GRID1: variants seen among roughly 807,000 people sequenced by gnomAD.
GRID1 encodes glutamate ionotropic receptor delta type subunit 1.
GRID1 carries 28 observed loss-of-function variants against 98.0 expected under a neutral mutation model. That is an observed-to-expected ratio of 0.29 (90% confidence interval 0.21 to 0.39). The LOEUF (loss-of-function observed/expected upper bound fraction) is 0.39. Among genes scored for constraint, GRID1 ranks in the 10% least tolerant of loss-of-function variants. The pLI, the probability that GRID1 is intolerant of heterozygous loss-of-function variation, is 1.00. For synonymous variants in GRID1, 553 were observed against 538.5 expected, an observed-to-expected ratio of 1.03 and a Z score of -0.37; for missense variants, 1,111 against 1,340.5, an observed-to-expected ratio of 0.83 and a Z score of 2.67.
chr10:85,772,964 C>A (rs1842288391), intron 8 of GRID1, among the ~76,000 whole-genome samples: 1 of 152,172 alleles, frequency 6.6e-6, no homozygotes, highest in African/African-American at 2.4e-5. Flanking sequence ...TCCTCCCTAA[C>A]TCATTTTATG....
chr10:85,925,573 C>A (rs1841763349), intron 4 of GRID1, among the ~76,000 whole-genome samples: 1 of 152,194 alleles, frequency 6.6e-6, no homozygotes, highest in South Asian at 2.1e-4. Context: ...TTTTCAAATA[C>A]AAGCAAAGTC....
chr10:86,346,594 C>T (rs1848386191), intron 2 of GRID1, among the ~76,000 whole-genome samples: 1 of 152,236 alleles, frequency 6.6e-6, no homozygotes, highest in African/African-American at 2.4e-5. Context: ...TTCAATTAAT[C>T]GTTCAGAGCG....
intron 12 of GRID1, among the ~76,000 whole-genome samples, chr10:85,691,943 C>A (rs1423051645): frequency 6.6e-6 from 1 of 152,096 alleles, no homozygotes; most frequent in Non-Finnish European, 1.5e-5. Context: ...TCCCACTGCA[C>A]ACTGGGAGAC....
At chr10:85,725,909 G>C (rs1841755680) in intron 10 of GRID1, among the ~76,000 whole-genome samples, 1 of 152,162 alleles carries the variant, frequency 6.6e-6, no homozygotes, top group African/African-American at 2.4e-5. Flanking sequence ...AAAAACTCTA[G>C]CATCCAGGGA....
At chr10:86,097,505 ATCTG>A (rs1183861510) in intron 4 of GRID1, among the ~76,000 whole-genome samples, 2 of 152,222 alleles carry the variant, frequency 1.3e-5, no homozygotes, top group African/African-American at 4.8e-5. Context: ...CTATCCATCT[ATCTG>A]TCTACCTATC....
At chr10:86,053,598 C>T (rs1843533401) in intron 4 of GRID1, among the ~76,000 whole-genome samples, 1 of 152,142 alleles carries the variant, frequency 6.6e-6, no homozygotes, top group African/African-American at 2.4e-5. Flanking sequence ...AGGAGATCCG[C>T]CCGCCTCGGC....
At chr10:86,213,109 C>G (rs1846129334) in intron 2 of GRID1, among the ~76,000 whole-genome samples, 1 of 152,210 alleles carries the variant, frequency 6.6e-6, no homozygotes, top group Non-Finnish European at 1.5e-5. Context: ...AGCAACCCCA[C>G]CTCCTGCCTT....
At chr10:86,077,390 C>T (rs572567842) in intron 4 of GRID1, among the ~76,000 whole-genome samples, 1 of 152,312 alleles carries the variant, frequency 6.6e-6, no homozygotes, top group African/African-American at 2.4e-5. Context: ...AATTCCAAAA[C>T]ACACCCACTG....
rs190486146 is a variant in GRID1 at position 86,139,472 on chromosome 10, G to A, written c.521-448C>T. On this transcript the variant is annotated intron_variant, in intron 3 of 15. Transcript: ENST00000327946. ...TGAGGCCCCTGACTGGAGCGGGCCT[G>A]GCCTCAGCAGATAGGCAGTGCAAGC... Among the ~76,000 whole-genome samples, 449 of 152,286 alleles carry A rather than the reference G, an allele frequency of 2.9e-3. 4 individuals are homozygous for A. The highest frequency in any genetic ancestry group is 2.3e-3 in the Non-Finnish European group (158 of 68,020).
At chr10:85,778,385 G>A (rs1323285229) in intron 8 of GRID1, among the ~76,000 whole-genome samples, 2 of 152,188 alleles carry the variant, frequency 1.3e-5, no homozygotes, top group African/African-American at 2.4e-5. Context: ...ATTGAATGAA[G>A]TGTCACTGGG....
chr10:86,291,051 G>C (rs1232979629), intron 2 of GRID1, among the ~76,000 whole-genome samples: 1 of 152,194 alleles, frequency 6.6e-6, no homozygotes, highest in Non-Finnish European at 1.5e-5. Context: ...CCCAGGACCA[G>C]GACAGCTTGT....
At chr10:85,894,735 C>T (rs1285960900) in intron 5 of GRID1, among the ~76,000 whole-genome samples, 3 of 152,008 alleles carry the variant, frequency 2.0e-5, no homozygotes, top group Non-Finnish European at 2.9e-5. Context: ...TGGCCGGGTG[C>T]GGTAGCTCAA....
chr10:86,356,043 A>G (rs1848529740), intron 2 of GRID1, among the ~76,000 whole-genome samples: 1 of 152,198 alleles, frequency 6.6e-6, no homozygotes, highest in Non-Finnish European at 1.5e-5. Flanking sequence ...TCTTTACCTC[A>G]TGACTAGCTC....
At chr10:85,621,953 T>TG (rs1842863653) in intron 13 of GRID1, among the ~76,000 whole-genome samples, 1 of 152,156 alleles carries the variant, frequency 6.6e-6, no homozygotes, top group African/African-American at 2.4e-5. Context: ...AATCAGACAT[T>TG]GTTATTTCTA....
intron 3 of GRID1, among the ~76,000 whole-genome samples, chr10:86,147,228 G>T (rs527722201): frequency 1.3e-5 from 2 of 152,228 alleles, no homozygotes; most frequent in South Asian, 4.1e-4. Context: ...TGGCCCTGAG[G>T]TCCTCCAGAG....
At chr10:85,826,847 C>G (rs1297641870) in intron 8 of GRID1, among the ~76,000 whole-genome samples, 2 of 152,148 alleles carry the variant, frequency 1.3e-5, no homozygotes, top group South Asian at 2.1e-4. Context: ...TTAGAGCAGG[C>G]AGCCCAGGAG....
chr10:86,115,730 G>T (rs1844566347), intron 4 of GRID1, among the ~76,000 whole-genome samples: 1 of 152,208 alleles, frequency 6.6e-6, no homozygotes, highest in African/African-American at 2.4e-5. Flanking sequence ...AGCGACCCCA[G>T]CACACAGGGC....
chr10:86,253,305 A>G (rs1430756325), intron 2 of GRID1, among the ~76,000 whole-genome samples: 4 of 152,208 alleles, frequency 2.6e-5, no homozygotes, highest in Non-Finnish European at 1.5e-5. Flanking sequence ...CCCCACAGGC[A>G]CCAGGCTGGA....
At chr10:85,695,763 C>T (rs925841824) in intron 12 of GRID1, among the ~76,000 whole-genome samples, 4 of 151,896 alleles carry the variant, frequency 2.6e-5, no homozygotes, top group Non-Finnish European at 5.9e-5. Context: ...AAACCAAAAC[C>T]AACCAACCAA....
Sources: gnomAD v4.1 joint callset for allele counts (sites outside exome capture counted in the v4.1 genomes callset) on GRCh38, gnomAD v4.1.1 for gene constraint, MANE v1.5 for transcripts, NCBI Gene and HGNC (gene_info 2026-07-23, HGNC 2026-07-21) for gene names.